Variants in CDH12 observed in about 807,000 individuals in gnomAD.
CDH12 encodes cadherin-12.
Under a neutral mutation model 74.1 loss-of-function variants are expected in CDH12, and 41 were observed. The ratio of observed to expected loss-of-function variants is 0.55; its 90% CI spans 0.43 to 0.72. The LOEUF (loss-of-function observed/expected upper bound fraction) is 0.72, where lower values mean the gene tolerates loss of function less well. Among genes scored for constraint, CDH12 ranks in the 30% least tolerant of loss-of-function variants. The probability of loss-of-function intolerance (pLI) is 0.00; values close to 1 mark genes in which losing one functional copy is unlikely to be tolerated. For synonymous variants in CDH12, 399 were observed against 355.0 expected (o/e 1.12, Z -1.39); for missense variants, 945 against 977.2 (o/e 0.97, Z 0.44).
At chr5:22,053,826 T>G (rs1296411834) in intron 5 of CDH12, among the ~76,000 whole-genome samples, 1 of 152,134 alleles carries the variant, frequency 6.6e-6, no homozygotes, top group South Asian at 2.1e-4. Flanking sequence ...AATCTAATTT[T>G]ATCATTCATA....
rs554934177 is a variant in CDH12, at chr5:22,484,961, T to C, written c.-428+20309A>G. On this transcript the variant is annotated intron_variant, in intron 2 of 14. Coordinates refer to ENST00000382254, the MANE Select transcript of CDH12 (RefSeq NM_004061.5). ...CATTCTTCAAGGGTCTTTGGATACATATTTGTAAAGATCTAAAAAATATTA... is the reference window on the plus strand; with the variant it reads ...CATTCTTCAAGGGTCTTTGGATACACATTTGTAAAGATCTAAAAAATATTA... Among the ~76,000 whole-genome samples, 8 of 152,304 alleles carry C rather than the reference T, an allele frequency of 5.3e-5. No individual in the cohort carries two copies. The East Asian group carries it at 1.3e-3, about 26-fold the overall frequency.
intron 3 of CDH12, among the ~76,000 whole-genome samples, chr5:22,300,800 T>A (rs1737847387): frequency 6.6e-6 from 1 of 152,236 alleles, no homozygotes; most frequent in Non-Finnish European, 1.5e-5. Context: ...TTTGGTGTTG[T>A]TCTGATGTAC....
intron 4 of CDH12, among the ~76,000 whole-genome samples, chr5:22,169,944 A>G (rs1748923664): frequency 6.6e-6 from 1 of 151,916 alleles, no homozygotes; most frequent in African/African-American, 2.4e-5. Flanking sequence ...ATATATTCCT[A>G]TGAGGGTCCT....
At chr5:22,743,921 A>AGGT (rs1745161955) in intron 1 of CDH12, among the ~76,000 whole-genome samples, 1 of 152,044 alleles carries the variant, frequency 6.6e-6, no homozygotes, top group Non-Finnish European at 1.5e-5. Flanking sequence ...TTATTAAGTC[A>AGGT]GGTTTCTACT....
chr5:22,764,130 C>T (rs1746375712), intron 1 of CDH12, among the ~76,000 whole-genome samples: 1 of 151,748 alleles, frequency 6.6e-6, no homozygotes, highest in Non-Finnish European at 1.5e-5. Flanking sequence ...GAAAGAGTAA[C>T]ACATACAAAA....
At chr5:22,487,318 A>G (rs1277478440) in intron 2 of CDH12, among the ~76,000 whole-genome samples, 1 of 152,180 alleles carries the variant, frequency 6.6e-6, no homozygotes, top group East Asian at 1.9e-4. Flanking sequence ...TATATTTTGA[A>G]CAAACAATCA....
intron 6 of CDH12, among the ~76,000 whole-genome samples, chr5:21,878,545 A>G (rs1752056334): frequency 7.1e-6 from 1 of 140,626 alleles, no homozygotes; most frequent in Admixed American, 7.8e-5. Flanking sequence ...CCAGGGCAAC[A>G]TGGTGCAACC....
intron 3 of CDH12, among the ~76,000 whole-genome samples, chr5:22,346,533 A>G (rs182181467): frequency 1.9e-4 from 29 of 152,358 alleles, no homozygotes; most frequent in Middle Eastern, 6.8e-3. Context: ...AAAAATGAAT[A>G]CAAGTGATAG....
intron 2 of CDH12, among the ~76,000 whole-genome samples, chr5:22,461,482 C>CAA (rs201972772): frequency 6.4e-4 from 78 of 121,910 alleles, no homozygotes; most frequent in African/African-American, 2.1e-3. Flanking sequence ...TAAAAAAAAG[C>CAA]AAAAAAAAAA....
At chr5:22,155,192 AATTGTGCTCT>A (rs1285219670) in intron 4 of CDH12, among the ~76,000 whole-genome samples, 3 of 152,154 alleles carry the variant, frequency 2.0e-5, no homozygotes, top group Non-Finnish European at 2.9e-5. Context: ...CATGTGATTA[AATTGTGCTCT>A]ATTTTAAGGT....
chr5:21,911,116 T>C (rs1317170380), intron 6 of CDH12, among the ~76,000 whole-genome samples: 2 of 152,206 alleles, frequency 1.3e-5, no homozygotes, highest in Non-Finnish European at 2.9e-5. Context: ...TAAATGTACT[T>C]TCTTAAAAAG....
chr5:22,750,582 G>A (rs1008955927), intron 1 of CDH12, among the ~76,000 whole-genome samples: 6 of 152,148 alleles, frequency 3.9e-5, no homozygotes, highest in African/African-American at 1.4e-4. Context: ...AAAACCCAGA[G>A]AGATATTCTG....
At chr5:22,689,647 T>C (rs114187664) in intron 1 of CDH12, among the ~76,000 whole-genome samples, 1,798 of 152,156 alleles carry the variant, frequency 0.012, 36 homozygotes, top group African/African-American at 0.041. Flanking sequence ...TTAAATTGAT[T>C]GGGATAATAG....
At chr5:21,976,402 G>T (rs1757072832) in intron 5 of CDH12, among the ~76,000 whole-genome samples, 2 of 151,672 alleles carry the variant, frequency 1.3e-5, no homozygotes, top group Admixed American at 1.3e-4. Context: ...ATGAAAAATG[G>T]ACACAGTCTT....
chr5:22,558,654 A>G lies in CDH12; in HGVS notation c.-522-53290T>C, dbSNP rs1461252430. Among the ~76,000 whole-genome samples, 8 of 152,076 alleles carry G rather than the reference A, an allele frequency of 5.3e-5. No individual in the cohort carries two copies. The South Asian group carries it at 6.2e-4, about 12-fold the overall frequency. On this transcript the variant is annotated intron_variant, in intron 1 of 14. Coordinates refer to ENST00000382254, the MANE Select transcript of CDH12 (RefSeq NM_004061.5). Reference sequence around the variant, plus strand: ...ACAAAAATAAACAAAGAGAGGGGGAAAAAACCATAAAACTTAAGGAAATGG... The same window carrying G: ...ACAAAAATAAACAAAGAGAGGGGGAGAAAACCATAAAACTTAAGGAAATGG...
chr5:22,601,172 G>T (rs1329540170), intron 1 of CDH12, among the ~76,000 whole-genome samples: 2 of 151,920 alleles, frequency 1.3e-5, no homozygotes, highest in African/African-American at 2.4e-5. Flanking sequence ...TTAACCATAT[G>T]ATCCTATGTT....
chr5:22,610,061 C>A (rs1254879817), intron 1 of CDH12, among the ~76,000 whole-genome samples: 1 of 152,254 alleles, frequency 6.6e-6, no homozygotes, highest in Non-Finnish European at 1.5e-5. Flanking sequence ...CAAACACTCC[C>A]TATATAGTTG....
intron 1 of CDH12, among the ~76,000 whole-genome samples, chr5:22,508,324 T>C (rs927276370): frequency 6.6e-6 from 1 of 152,168 alleles, no homozygotes; most frequent in African/African-American, 2.4e-5. Context: ...ACCTTGTATA[T>C]GGTGACTTAC....
At chr5:22,577,305 A>T (rs1239831434) in intron 1 of CDH12, among the ~76,000 whole-genome samples, 1 of 152,220 alleles carries the variant, frequency 6.6e-6, no homozygotes, top group African/African-American at 2.4e-5. Flanking sequence ...GATTTTATTT[A>T]AATTATAGAA....
Sources: allele counts gnomAD v4.1 joint callset (sites outside exome capture counted in the v4.1 genomes callset), GRCh38; gene constraint gnomAD v4.1.1; transcripts MANE v1.5; gene names NCBI Gene and HGNC (gene_info 2026-07-23, HGNC 2026-07-21).